CAP2: variants seen among roughly 807,000 people sequenced by gnomAD.
The protein encoded by CAP2 is adenylyl cyclase-associated protein 2.
CAP2 carries 24 observed loss-of-function variants against 57.7 expected under a neutral mutation model. The observed-to-expected ratio is 0.42, with a 90% CI of 0.30 to 0.58. The LOEUF (loss-of-function observed/expected upper bound fraction) is 0.58, where lower values mean the gene tolerates loss of function less well. Ranked by LOEUF, CAP2 falls within the 20% of genes least tolerant of loss-of-function variation. CAP2 has a pLI of 0.22. For synonymous variants in CAP2, 194 were observed against 207.2 expected (o/e 0.94, Z 0.55); for missense variants, 501 against 590.3 (o/e 0.85, Z 1.57).
At chr6:17,539,226 G>T (rs758003801) in intron 7 of CAP2, 43 bp from the exon 8 acceptor site, 3 of 1,547,098 alleles carry the variant, frequency 1.9e-6, no homozygotes, top group South Asian at 2.4e-5. Context: ...CAGCAAGGGC[G>T]CAGTCTCAAT....
chr6:17,429,618 A>G (rs1759677828), intron 3 of CAP2, among the ~76,000 whole-genome samples: 1 of 152,194 alleles, frequency 6.6e-6, no homozygotes, highest in Non-Finnish European at 1.5e-5. Flanking sequence ...ACTCAGATGA[A>G]GGAATATTCT....
At chr6:17,397,630 G>C (rs1392282205) in intron 1 of CAP2, among the ~76,000 whole-genome samples, 1 of 146,236 alleles carries the variant, frequency 6.8e-6, no homozygotes, top group African/African-American at 2.6e-5. Context: ...GGGAGGCGGG[G>C]CTTGCAGTGA....
chr6:17,431,426 A>G (rs1433454542), intron 3 of CAP2, among the ~76,000 whole-genome samples: 2 of 152,256 alleles, frequency 1.3e-5, no homozygotes, highest in African/African-American at 4.8e-5. Context: ...AAGGCATACT[A>G]TGATTAAATC....
chr6:17,471,383 A>G (rs1192772275), intron 4 of CAP2, among the ~76,000 whole-genome samples: 2 of 152,218 alleles, frequency 1.3e-5, no homozygotes, highest in African/African-American at 4.8e-5. Flanking sequence ...AAATATTGCT[A>G]TGAAGTTGGG....
intron 7 of CAP2, among the ~76,000 whole-genome samples, chr6:17,514,983 C>T (rs113974818): frequency 0.015 from 2,286 of 151,614 alleles, 72 homozygotes; most frequent in East Asian, 0.13. Flanking sequence ...GGATCACCCG[C>T]GGTCAGGAGT....
chr6:17,505,469 C>A (rs1289974333), intron 4 of CAP2, among the ~76,000 whole-genome samples: 2 of 152,152 alleles, frequency 1.3e-5, no homozygotes, highest in Non-Finnish European at 2.9e-5. Context: ...CCCAGGCCAC[C>A]CCCGGACCCG....
intron 3 of CAP2, among the ~76,000 whole-genome samples, chr6:17,444,839 CACACA>C (rs1425049079): frequency 8.7e-5 from 13 of 148,908 alleles, no homozygotes; most frequent in African/African-American, 3.0e-4. Context: ...CACACACACA[CACACA>C]ACACGAGTCC....
chr6:17,455,251 T>G (rs1458611048), intron 3 of CAP2, among the ~76,000 whole-genome samples: 1 of 150,602 alleles, frequency 6.6e-6, no homozygotes, highest in Non-Finnish European at 1.5e-5. Context: ...AACTGGTATA[T>G]GACCTTCCTC....
chr6:17,461,079 T>G (rs374167549), intron 3 of CAP2, among the ~76,000 whole-genome samples: 183 of 152,090 alleles, frequency 1.2e-3, no homozygotes, highest in Non-Finnish European at 2.3e-3. Context: ...AGCCCAAGAG[T>G]TGGAGGCTTC....
At position 17,516,944 on chromosome 6, in the gene CAP2, T is replaced by C. The variant is rs566182620; in HGVS notation, c.636+2990T>C. On this transcript the variant is annotated intron_variant, in intron 7 of 12. Coordinates refer to ENST00000229922, the MANE Select transcript of CAP2 (RefSeq NM_006366.3). Reference sequence around the variant, plus strand: ...AAGATACAACTAAGCGGATTGTTTTTTTTTTCCTAACCACAACATTGTGAC... The same window carrying C: ...AAGATACAACTAAGCGGATTGTTTTCTTTTTCCTAACCACAACATTGTGAC... 6.6e-5 allele frequency among the ~76,000 whole-genome samples: 10 copies of C among 152,258 alleles called. No individual in the cohort carries two copies. The South Asian group carries it at 2.1e-3, about 31-fold the overall frequency.
chr6:17,479,325 C>T (rs944240440), intron 4 of CAP2, among the ~76,000 whole-genome samples: 6 of 152,192 alleles, frequency 3.9e-5, no homozygotes, highest in Middle Eastern at 3.2e-3. Context: ...AACCAGAACT[C>T]CTAAGTCCTT....
chr6:17,485,770 T>G (rs969632996), intron 4 of CAP2, among the ~76,000 whole-genome samples: 5 of 152,192 alleles, frequency 3.3e-5, no homozygotes, highest in African/African-American at 1.2e-4. Flanking sequence ...CCTTCATTGT[T>G]AGGAACGAGA....
At chr6:17,536,896 A>G (rs1441225250) in intron 7 of CAP2, among the ~76,000 whole-genome samples, 1 of 152,194 alleles carries the variant, frequency 6.6e-6, no homozygotes, top group Non-Finnish European at 1.5e-5. Context: ...GCAAATTCTC[A>G]AATTTTATCC....
intron 4 of CAP2, among the ~76,000 whole-genome samples, chr6:17,489,302 C>G (rs141503229): frequency 2.4e-4 from 37 of 152,212 alleles, no homozygotes; most frequent in Middle Eastern, 3.4e-3. Flanking sequence ...TGTGGTGGCA[C>G]GCGCCTATAA....
chr6:17,496,037 G>GGGGGGT (rs1204207554), intron 4 of CAP2, among the ~76,000 whole-genome samples: 88 of 132,358 alleles, frequency 6.6e-4, no homozygotes, highest in African/African-American at 2.4e-3. Context: ...TGGGGGGGGG[G>GGGGGGT]GGTAAGTCAG....
At chr6:17,405,198 A>G (rs973920533) in intron 1 of CAP2, among the ~76,000 whole-genome samples, 1 of 152,196 alleles carries the variant, frequency 6.6e-6, no homozygotes, top group Non-Finnish European at 1.5e-5. Flanking sequence ...CCTGGCCAAC[A>G]TGGTGAAACC....
At chr6:17,479,141 TC>T (rs1761225213) in intron 4 of CAP2, among the ~76,000 whole-genome samples, 1 of 152,170 alleles carries the variant, frequency 6.6e-6, no homozygotes, top group Non-Finnish European at 1.5e-5. Flanking sequence ...AGGCTCTTGC[TC>T]CACGGCCCTG....
chr6:17,452,734 T>G (rs914244079), intron 3 of CAP2, among the ~76,000 whole-genome samples: 2 of 152,200 alleles, frequency 1.3e-5, no homozygotes, highest in Admixed American at 6.5e-5. Flanking sequence ...AACAGCGCAC[T>G]TATCAGAGAG....
At chr6:17,552,301 C>T (rs934016131) in intron 12 of CAP2, among the ~76,000 whole-genome samples, 2 of 152,142 alleles carry the variant, frequency 1.3e-5, no homozygotes, top group African/African-American at 4.8e-5. Flanking sequence ...AAGTACATTT[C>T]CTGGTTCATG....
Sources: allele counts gnomAD v4.1 joint callset (sites outside exome capture counted in the v4.1 genomes callset), GRCh38; gene constraint gnomAD v4.1.1; transcripts MANE v1.5; gene names NCBI Gene and HGNC (gene_info 2026-07-23, HGNC 2026-07-21).